The following LRP6 variants were observed in gnomAD, a reference collection of about 807,000 sequenced individuals.
LRP6 encodes the protein low-density lipoprotein receptor-related protein 6.
In LRP6, 43 loss-of-function variants were observed where a neutral mutation model predicts 184.1. The observed-to-expected ratio is 0.23, with a 90% CI of 0.18 to 0.30. LRP6 has a LOEUF of 0.30. Among genes scored for constraint, LRP6 ranks in the 10% least tolerant of loss-of-function variants. LRP6 has a pLI of 1.00. For missense variants in LRP6, 1,571 were observed against 2,005.3 expected (o/e 0.78, Z 4.14); for synonymous variants, 719 against 684.9 (o/e 1.05, Z -0.78).
chr12:12,248,497 T>G lies in LRP6; in HGVS notation c.56-3842A>C, dbSNP rs929918913. On this transcript the variant is annotated intron_variant, in intron 1 of 22. Transcript: ENST00000261349. ...TTTTTTTTTTTTTTTTTTTTTTTTT[T>G]TTGAGATGGAGTCTGGCTCTGTCGC... 2.8e-5 allele frequency among the ~76,000 whole-genome samples: 4 copies of G among 144,464 alleles called. No homozygotes were observed. The East Asian group carries it at 8.1e-4, about 29-fold the overall frequency. The allele number at this position is 144,464 out of a possible 152,430, so 94.8% of individuals were successfully genotyped here.
chr12:12,149,284 T>C, intron 13 of LRP6, 131 bp from the exon 14 acceptor site: 1 of 750,668 alleles, frequency 1.3e-6, no homozygotes, highest in Non-Finnish European at 2.4e-6. Flanking sequence ...GGAGTATTTC[T>C]TACTGATACC....
At chr12:12,236,195 C>G (rs1333080931) in intron 2 of LRP6, among the ~76,000 whole-genome samples, 1 of 152,044 alleles carries the variant, frequency 6.6e-6, no homozygotes, top group African/African-American at 2.4e-5. Flanking sequence ...CCACTGCACT[C>G]CAGCCTGGGC....
At chr12:12,170,791 TCACACACACACA>T (rs10571241) in intron 7 of LRP6, among the ~76,000 whole-genome samples, 32 of 142,902 alleles carry the variant, frequency 2.2e-4, no homozygotes, top group African/African-American at 3.9e-4. Context: ...TAAAATTACT[TCACACACACACA>T]CACACACACA....
At chr12:12,170,446 T>A (rs183595408) in intron 7 of LRP6, among the ~76,000 whole-genome samples, 254 of 149,576 alleles carry the variant, frequency 1.7e-3, no homozygotes, top group Middle Eastern at 6.8e-3. Flanking sequence ...TAATGACATT[T>A]ATGGTTTTTT....
chr12:12,227,504 T>C (rs2135883726), intron 2 of LRP6, among the ~76,000 whole-genome samples: 2 of 151,640 alleles, frequency 1.3e-5, no homozygotes, highest in South Asian at 2.1e-4. Context: ...ACCTCCCAGG[T>C]TCAAGCGATT....
intron 7 of LRP6, among the ~76,000 whole-genome samples, chr12:12,179,231 T>A (rs1863271041): frequency 1.3e-5 from 2 of 152,182 alleles, no homozygotes; most frequent in Non-Finnish European, 2.9e-5. Flanking sequence ...GTAAATATTT[T>A]TTCCCAAGCT....
At chr12:12,156,625 T>C (rs1398844759) in intron 12 of LRP6, among the ~76,000 whole-genome samples, 2 of 152,228 alleles carry the variant, frequency 1.3e-5, no homozygotes, top group East Asian at 1.9e-4. Context: ...CATTTCACCA[T>C]TACTTCCCTG....
At chr12:12,245,127 C>T (rs1210651119) in intron 1 of LRP6, among the ~76,000 whole-genome samples, 1 of 152,152 alleles carries the variant, frequency 6.6e-6, no homozygotes, top group African/African-American at 2.4e-5. Flanking sequence ...AAACATATGT[C>T]AATACAAAGA....
chr12:12,244,202 G>T, intron 2 of LRP6, 60 bp downstream of exon 2: 1 of 1,542,848 alleles, frequency 6.5e-7, no homozygotes, highest in Non-Finnish European at 8.9e-7. Context: ...GGTGGTGTAT[G>T]TCAGTGGAGA....
intron 2 of LRP6, among the ~76,000 whole-genome samples, chr12:12,235,080 A>G (rs1489260683): frequency 6.6e-6 from 1 of 152,160 alleles, no homozygotes; most frequent in Admixed American, 6.5e-5. Flanking sequence ...ATTATTTTTT[A>G]CTGTTAGGAA....
Position 12,203,137 on chromosome 12 carries a change from G to T in LRP6, c.647+66C>A, listed in dbSNP as rs1863960412. 4.5e-6 allele frequency: 5 copies of T among 1,100,440 alleles called. No individual in the cohort carries two copies. The South Asian group carries it at 6.2e-5, about 14-fold the overall frequency. The allele number at this position is 1,100,440 out of a possible 1,614,324, so 68.2% of individuals were successfully genotyped here. On this transcript the variant is annotated intron_variant, in intron 3 of 22. Transcript: ENST00000261349. ...TAAACATATTTCTTAATAAAATTAGGCTTTGTAATGTATCAAGGCTTCATC... is the reference window on the plus strand; with the variant it reads ...TAAACATATTTCTTAATAAAATTAGTCTTTGTAATGTATCAAGGCTTCATC...
At chr12:12,197,179 G>A (rs2417086) in intron 3 of LRP6, among the ~76,000 whole-genome samples, 60,382 of 152,034 alleles carry the variant, frequency 0.4, 14,923 homozygotes, top group East Asian at 0.76. Flanking sequence ...GGTTTCTACC[G>A]ATCTCTGGCC....
chr12:12,257,779 C>CAAAAAAAAAAAAAAAAA (rs1163180718), intron 1 of LRP6, among the ~76,000 whole-genome samples: 11 of 35,318 alleles, frequency 3.1e-4, no homozygotes, highest in Non-Finnish European at 3.8e-4. Context: ...CCTGTCTCTA[C>CAAAAAAAAAAAAAAAAA]AAAAAAAAAA....
At chr12:12,217,423 A>T (rs957826854) in intron 2 of LRP6, among the ~76,000 whole-genome samples, 1 of 152,080 alleles carries the variant, frequency 6.6e-6, no homozygotes. Flanking sequence ...TAATTATTTC[A>T]TTATACATCA....
intron 3 of LRP6, chr12:12,187,451 T>C: frequency 5.5e-6 from 2 of 361,238 alleles, no homozygotes; most frequent in Non-Finnish European, 1.1e-5. Flanking sequence ...CTACCATCTC[T>C]GGACTCACAG....
At chr12:12,129,368 ACCTATGTTAT>A (rs1949715586) in intron 19 of LRP6, among the ~76,000 whole-genome samples, 5 of 151,920 alleles carry the variant, frequency 3.3e-5, no homozygotes, top group Admixed American at 3.3e-4. Context: ...TTGTACCTTT[ACCTATGTTAT>A]CTCTTGCTGA....
intron 1 of LRP6, among the ~76,000 whole-genome samples, chr12:12,248,746 C>T (rs1016838668): frequency 1.3e-5 from 2 of 152,134 alleles, no homozygotes; most frequent in Non-Finnish European, 2.9e-5. Flanking sequence ...TCCCAAAGTG[C>T]TGGGATTACA....
chr12:12,227,724 T>C lies in LRP6; in HGVS notation c.449+16538A>G, dbSNP rs1157503882. On this transcript the variant is annotated intron_variant, in intron 2 of 22. Coordinates refer to ENST00000261349, the MANE Select transcript of LRP6 (RefSeq NM_002336.3). ...ACACCTGGCCTTTTCTTATTCTTAA[T>C]TGAGCTAACAGGTAACAGTTTGTTC... Among the ~76,000 whole-genome samples the C allele has an allele frequency of 2.0e-5, 3 of 152,258 alleles. No homozygotes were observed. The East Asian group carries it at 5.8e-4, about 29-fold the overall frequency.
chr12:12,205,342 A>C (rs1484516505), intron 2 of LRP6, among the ~76,000 whole-genome samples: 8 of 144,052 alleles, frequency 5.6e-5, no homozygotes, highest in South Asian at 2.1e-4. Context: ...AAAAAAAAAA[A>C]AAAAAAAAAA....
Sources: gnomAD v4.1 joint callset for allele counts (sites outside exome capture counted in the v4.1 genomes callset) on GRCh38, gnomAD v4.1.1 for gene constraint, MANE v1.5 for transcripts, NCBI Gene and HGNC (gene_info 2026-07-23, HGNC 2026-07-21) for gene names.